Variants in GALK2 observed in about 807,000 individuals in gnomAD.
GALK2 encodes galactokinase 2.
A neutral mutation model predicts 52.4 loss-of-function variants in GALK2; 36 were observed. The ratio of observed to expected loss-of-function variants is 0.69; its 90% CI spans 0.53 to 0.91. GALK2 has a LOEUF of 0.91. GALK2 is among the 40% of genes least tolerant of loss of function. The pLI, the probability that GALK2 is intolerant of heterozygous loss-of-function variation, is 0.00. For synonymous variants in GALK2, 176 were observed against 199.1 expected, an observed-to-expected ratio of 0.88 and a Z score of 0.98; for missense variants, 579 against 559.1, an observed-to-expected ratio of 1.04 and a Z score of -0.36.
chr15:49,324,357 T>C (rs948286434), intron 9 of GALK2, among the ~76,000 whole-genome samples: 9 of 128,700 alleles, frequency 7.0e-5, no homozygotes, highest in African/African-American at 2.7e-4. Context: ...CATTGTTGCA[T>C]GCTCTTTCCC....
intron 8 of GALK2, among the ~76,000 whole-genome samples, chr15:49,299,746 T>TCTTTC (rs2034864165): frequency 2.4e-5 from 3 of 126,680 alleles, no homozygotes; most frequent in African/African-American, 9.1e-5. Flanking sequence ...TTTCTTTCTT[T>TCTTTC]CTTTCTTTCT....
At chr15:49,171,076 C>CTTTTTCTTTTTTTTTTTTTTTTTTTT (rs1490038467) in intron 1 of GALK2, among the ~76,000 whole-genome samples, 1 of 140,842 alleles carries the variant, frequency 7.1e-6, no homozygotes, top group Non-Finnish European at 1.5e-5. Context: ...TTTTCTTTTT[C>CTTTTTCTTTTTTTTTTTTTTTTTTTT]TTTTTCTTTT....
chr15:49,299,735 T>C (rs939467543), intron 8 of GALK2, among the ~76,000 whole-genome samples: 7 of 77,564 alleles, frequency 9.0e-5, no homozygotes, highest in South Asian at 4.6e-4. Context: ...TCTTTCTTTC[T>C]TTTCTTTCTT....
intron 8 of GALK2, among the ~76,000 whole-genome samples, chr15:49,313,624 G>A (rs1002071784): frequency 1.3e-5 from 2 of 152,192 alleles, no homozygotes; most frequent in Non-Finnish European, 2.9e-5. Context: ...TCTTATCTGT[G>A]TAACTAAGTT....
intron 1 of GALK2, among the ~76,000 whole-genome samples, chr15:49,173,801 G>A (rs537932640): frequency 6.6e-5 from 10 of 152,208 alleles, no homozygotes; most frequent in African/African-American, 2.4e-4. Context: ...GGAGTGCAGT[G>A]GCACTATCTT....
chr15:49,214,333 T>C (rs1236681981), intron 2 of GALK2, among the ~76,000 whole-genome samples: 1 of 40,450 alleles, frequency 2.5e-5, no homozygotes, highest in African/African-American at 1.4e-4. Context: ...ACTTTGTCAC[T>C]TTTTTTTTTT....
intron 5 of GALK2, 84 bp downstream of exon 5, chr15:49,239,451 G>T (rs941592881): frequency 7.6e-7 from 1 of 1,320,522 alleles, no homozygotes; most frequent in African/African-American, 1.5e-5. Context: ...TGCCTTCCTT[G>T]ATTGAAAAAC....
intron 9 of GALK2, chr15:49,327,652 T>C (rs373522040): frequency 4.7e-6 from 1 of 214,546 alleles, no homozygotes; most frequent in East Asian, 1.0e-4. Flanking sequence ...ACTCTTCAAG[T>C]GGCTACTTTA....
intron 8 of GALK2, chr15:49,318,918 G>A (rs941682626): frequency 4.4e-6 from 2 of 452,018 alleles, no homozygotes; most frequent in African/African-American, 4.0e-5. Context: ...TCAGTGCTGT[G>A]ATGAGAACTT....
downstream of GALK2, among the ~76,000 whole-genome samples, chr15:49,333,714 G>A (rs1388304450): frequency 6.6e-6 from 1 of 152,226 alleles, no homozygotes; most frequent in East Asian, 1.9e-4. Flanking sequence ...TCTCCCTAGG[G>A]GGCTTGTCTG....
At chr15:49,165,469 A>G (rs1344461219), upstream of GALK2, among the ~76,000 whole-genome samples, 2 of 152,222 alleles carry the variant, frequency 1.3e-5, no homozygotes, top group Non-Finnish European at 1.5e-5. Flanking sequence ...GCCAGAGTCT[A>G]TAAAATCAGA....
At chr15:49,282,697 A>G (rs2032869747) in intron 6 of GALK2, among the ~76,000 whole-genome samples, 1 of 152,158 alleles carries the variant, frequency 6.6e-6, no homozygotes. Context: ...GCTCATTTCC[A>G]AAATAGAGCA....
intron 3 of GALK2, among the ~76,000 whole-genome samples, chr15:49,355,225 A>G (rs1222485760): frequency 6.6e-6 from 1 of 152,248 alleles, no homozygotes; most frequent in African/African-American, 2.4e-5. Context: ...CAGCAAAGGA[A>G]CAAAGCTGGA....
chr15:49,348,328 C>G (rs1336368683), intron 3 of GALK2, among the ~76,000 whole-genome samples: 1 of 152,108 alleles, frequency 6.6e-6, no homozygotes, highest in African/African-American at 2.4e-5. Flanking sequence ...ATGTTCAAGA[C>G]AAGTTCCCTA....
intron 8 of GALK2, among the ~76,000 whole-genome samples, chr15:49,297,727 T>C (rs2034608986): frequency 6.6e-6 from 1 of 152,194 alleles, no homozygotes; most frequent in South Asian, 2.1e-4. Context: ...TCGTCAAAGA[T>C]CAGATGGCTG....
At chr15:49,325,841 A>G (rs1044053665) in intron 9 of GALK2, among the ~76,000 whole-genome samples, 6 of 152,214 alleles carry the variant, frequency 3.9e-5, no homozygotes, top group Admixed American at 1.3e-4. Context: ...ATCTTTACCT[A>G]CAAAGACTTC....
rs563679909 is a variant in GALK2 at position 49,236,122 on chromosome 15, A to G, written c.357+181A>G. Among the ~76,000 whole-genome samples, 139 of 152,290 alleles carry G rather than the reference A, an allele frequency of 9.1e-4. 5 individuals carry two copies. The South Asian group carries it at 0.028, about 30-fold the overall frequency. ...ATGACTGTTTTGGGGTGGTGTTCAC[A>G]GGGGGCAGTAGTGGTTTTTATACAG... On this transcript the variant is annotated intron_variant, in intron 4 of 9. Transcript: ENST00000560031.
intron 3 of GALK2, among the ~76,000 whole-genome samples, chr15:49,352,759 C>G (rs1489438809): frequency 6.6e-6 from 1 of 152,152 alleles, no homozygotes; most frequent in African/African-American, 2.4e-5. Flanking sequence ...ACTGGTCCCT[C>G]CAATCCAAAA....
intron 8 of GALK2, among the ~76,000 whole-genome samples, chr15:49,303,420 G>T (rs537823432): frequency 6.6e-6 from 1 of 152,290 alleles, no homozygotes; most frequent in East Asian, 1.9e-4. Context: ...CTGGTAGGTA[G>T]GTCAGTACTC....
Sources: gnomAD v4.1 joint callset for allele counts (sites outside exome capture counted in the v4.1 genomes callset) on GRCh38, gnomAD v4.1.1 for gene constraint, MANE v1.5 for transcripts, NCBI Gene and HGNC (gene_info 2026-07-23, HGNC 2026-07-21) for gene names.